The following ATXN1 variants were observed in gnomAD, a reference collection of about 807,000 sequenced individuals.
ATXN1 encodes the protein ataxin 1, also known as ataxin-1.
ATXN1 carries 8 observed loss-of-function variants against 56.4 expected under a neutral mutation model. The ratio of observed to expected loss-of-function variants is 0.14; its 90% CI spans 0.08 to 0.26. The LOEUF (loss-of-function observed/expected upper bound fraction) is 0.26. Among genes scored for constraint, ATXN1 ranks in the 10% least tolerant of loss-of-function variants. The probability of loss-of-function intolerance (pLI) is 1.00; values close to 1 mark genes in which losing one functional copy is unlikely to be tolerated. For synonymous variants in ATXN1, 514 were observed against 494.6 expected, an observed-to-expected ratio of 1.04 and a Z score of -0.52; for missense variants, 987 against 1,106.5, an observed-to-expected ratio of 0.89 and a Z score of 1.53.
At chr6:16,360,838 C>CT (rs1761792917) in intron 6 of ATXN1, among the ~76,000 whole-genome samples, 1 of 152,214 alleles carries the variant, frequency 6.6e-6, no homozygotes, top group Non-Finnish European at 1.5e-5. Context: ...TCAGACCTGT[C>CT]TGTCTCCATT....
At chr6:16,630,402 G>T (rs1011356305) in intron 3 of ATXN1, among the ~76,000 whole-genome samples, 1 of 152,144 alleles carries the variant, frequency 6.6e-6, no homozygotes, top group Non-Finnish European at 1.5e-5. Context: ...AAATTCAAGG[G>T]CCTAAGTGAG....
intron 2 of ATXN1, among the ~76,000 whole-genome samples, chr6:16,712,325 G>C (rs1380275366): frequency 6.6e-6 from 1 of 152,134 alleles, no homozygotes; most frequent in South Asian, 2.1e-4. Context: ...AGGGTCTGTG[G>C]GGATAACCCC....
At chr6:16,317,653 G>A (rs1760545011) in intron 7 of ATXN1, among the ~76,000 whole-genome samples, 1 of 151,998 alleles carries the variant, frequency 6.6e-6, no homozygotes, top group South Asian at 2.1e-4. Context: ...TAAGCTTGAG[G>A]GCCCTCTGTC....
chr6:16,665,563 C>T (rs1367318862), intron 2 of ATXN1, among the ~76,000 whole-genome samples: 1 of 152,082 alleles, frequency 6.6e-6, no homozygotes, highest in Non-Finnish European at 1.5e-5. Context: ...GGGGGGGTTC[C>T]CAAAGTGAGA....
intron 6 of ATXN1, among the ~76,000 whole-genome samples, chr6:16,337,854 A>C (rs1253542904): frequency 6.6e-6 from 1 of 152,110 alleles, no homozygotes; most frequent in Non-Finnish European, 1.5e-5. Context: ...TATTTCAAGG[A>C]CTGATGCAAG....
chr6:16,695,580 G>A (rs1255178750), intron 2 of ATXN1, among the ~76,000 whole-genome samples: 2 of 152,226 alleles, frequency 1.3e-5, no homozygotes, highest in Admixed American at 1.3e-4. Flanking sequence ...GACAGCTTCT[G>A]AAGTTCTTAG....
At chr6:16,363,172 T>C (rs922656650) in intron 6 of ATXN1, among the ~76,000 whole-genome samples, 4 of 152,198 alleles carry the variant, frequency 2.6e-5, no homozygotes, top group Non-Finnish European at 5.9e-5. Context: ...GTTTCAGAAA[T>C]ACAAGTGGAG....
At chr6:16,528,089 T>C (rs527810774) in intron 4 of ATXN1, among the ~76,000 whole-genome samples, 13 of 151,960 alleles carry the variant, frequency 8.6e-5, no homozygotes, top group African/African-American at 3.1e-4. Context: ...TCACTTGAGG[T>C]CAGGAGTTCA....
Position 16,687,934 on chromosome 6 carries a change from T to C in ATXN1, c.-614-30033A>G, listed in dbSNP as rs917898642. ...CAAAGTATAAGGCATAAAGAAACTA[T>C]ACTTTCATTGGCCACTTTTAACATA... is the stretch of plus-strand genomic sequence containing the variant. On this transcript the variant is annotated intron_variant, in intron 2 of 7. Coordinates refer to ENST00000436367, the MANE Select transcript of ATXN1 (RefSeq NM_001128164.2). Among the ~76,000 whole-genome samples, 4 of 152,288 alleles carry C rather than the reference T, an allele frequency of 2.6e-5. No individual in the cohort carries two copies. The East Asian group carries it at 7.7e-4, about 29-fold the overall frequency.
intron 3 of ATXN1, among the ~76,000 whole-genome samples, chr6:16,639,609 C>T (rs919898084): frequency 6.8e-6 from 1 of 147,458 alleles, no homozygotes; most frequent in African/African-American, 2.4e-5. Context: ...CCATTGCGCC[C>T]GGCCCCTGGG....
At chr6:16,535,219 C>A (rs1393490645) in intron 4 of ATXN1, among the ~76,000 whole-genome samples, 1 of 152,168 alleles carries the variant, frequency 6.6e-6, no homozygotes, top group Non-Finnish European at 1.5e-5. Flanking sequence ...ATGTGTTGGG[C>A]ATAAAATTTC....
intron 5 of ATXN1, among the ~76,000 whole-genome samples, chr6:16,489,496 T>C (rs183423979): frequency 1.6e-4 from 24 of 152,312 alleles, no homozygotes; most frequent in African/African-American, 5.8e-4. Context: ...AGTTGTCATC[T>C]CCTTTCAAGA....
At chr6:16,563,957 T>TTC (rs1762167320) in intron 4 of ATXN1, among the ~76,000 whole-genome samples, 1 of 152,160 alleles carries the variant, frequency 6.6e-6, no homozygotes, top group South Asian at 2.1e-4. Context: ...AGAAAGAGAA[T>TTC]TCTCTAAGAT....
At chr6:16,613,036 C>T (rs1449603349) in intron 3 of ATXN1, among the ~76,000 whole-genome samples, 6 of 151,306 alleles carry the variant, frequency 4.0e-5, no homozygotes, top group East Asian at 3.9e-4. Flanking sequence ...GAGGCCGAGG[C>T]GGGTGGATCA....
intron 2 of ATXN1, chr6:16,666,705 C>T (rs1758436263): frequency 2.0e-5 from 3 of 152,156 alleles, no homozygotes; most frequent in African/African-American, 7.2e-5. Context: ...GGAGTTTCAC[C>T]ATGTTGGCCA....
intron 2 of ATXN1, among the ~76,000 whole-genome samples, chr6:16,673,020 C>CAAAAAAAAAAAAAAAAAAAAAAA (rs559212594): frequency 9.5e-6 from 1 of 105,568 alleles, no homozygotes; most frequent in African/African-American, 3.7e-5. Context: ...TCCCCCCCGC[C>CAAAAAAAAAAAAAAAAAAAAAAA]AAAAAAAAAA....
chr6:16,743,102 G>A (rs1225916389), intron 2 of ATXN1, among the ~76,000 whole-genome samples: 1 of 152,088 alleles, frequency 6.6e-6, no homozygotes, highest in Non-Finnish European at 1.5e-5. Context: ...TCATATAATC[G>A]AAATTCAGTA....
chr6:16,682,382 A>G (rs1758833011), intron 2 of ATXN1, among the ~76,000 whole-genome samples: 1 of 151,832 alleles, frequency 6.6e-6, no homozygotes, highest in Admixed American at 6.6e-5. Flanking sequence ...TTTTTAGTAA[A>G]GATGCAGTTT....
chr6:16,556,753 C>A (rs1384827493), intron 4 of ATXN1, among the ~76,000 whole-genome samples: 1 of 152,108 alleles, frequency 6.6e-6, no homozygotes, highest in Non-Finnish European at 1.5e-5. Context: ...TAACACTGAT[C>A]TGTTAAACTT....
Sources: allele counts gnomAD v4.1 joint callset (sites outside exome capture counted in the v4.1 genomes callset), GRCh38; gene constraint gnomAD v4.1.1; transcripts MANE v1.5; gene names NCBI Gene and HGNC (gene_info 2026-07-23, HGNC 2026-07-21).